The following SBF2 variants were observed in gnomAD, a reference collection of about 807,000 sequenced individuals.
The protein encoded by SBF2 is SET binding factor 2.
In SBF2, 112 loss-of-function variants were observed where a neutral mutation model predicts 225.2. That is an observed-to-expected ratio of 0.50 (90% CI 0.43 to 0.58). SBF2 has a LOEUF of 0.58. Among genes scored for constraint, SBF2 ranks in the 20% least tolerant of loss-of-function variants. The probability of loss-of-function intolerance (pLI) is 0.00; values close to 1 mark genes in which losing one functional copy is unlikely to be tolerated. For missense variants in SBF2, 1,996 were observed against 2,206.2 expected (o/e 0.90, Z 1.91); for synonymous variants, 763 against 773.3 (o/e 0.99, Z 0.22).
At chr11:10,215,252 G>GA (rs941311131) in intron 1 of SBF2, among the ~76,000 whole-genome samples, 16 of 151,444 alleles carry the variant, frequency 1.1e-4, no homozygotes, top group Admixed American at 3.3e-4. Context: ...AGCCTATAGG[G>GA]AAAAAAAAAT....
At chr11:10,273,987 T>C (rs1021698628) in intron 1 of SBF2, among the ~76,000 whole-genome samples, 1 of 152,240 alleles carries the variant, frequency 6.6e-6, no homozygotes, top group African/African-American at 2.4e-5. Context: ...GAGGAAACTA[T>C]ACCTTGCAAA....
At chr11:9,840,157 C>T (rs902283425) in intron 25 of SBF2, among the ~76,000 whole-genome samples, 1 of 151,726 alleles carries the variant, frequency 6.6e-6, no homozygotes, top group African/African-American at 2.4e-5. Flanking sequence ...TCACTTGAAC[C>T]CGGGAGGTGG....
At chr11:10,142,930 T>C (rs1954712927) in intron 2 of SBF2, among the ~76,000 whole-genome samples, 1 of 152,166 alleles carries the variant, frequency 6.6e-6, no homozygotes, top group South Asian at 2.1e-4. Context: ...CACTTGGCAA[T>C]GCAATGATAG....
chr11:10,281,388 G>C (rs1310878136), intron 1 of SBF2, among the ~76,000 whole-genome samples: 1 of 152,108 alleles, frequency 6.6e-6, no homozygotes, highest in African/African-American at 2.4e-5. Flanking sequence ...CATCCTTTAA[G>C]AACACTTATA....
At chr11:10,205,489 G>A (rs1008167932) in intron 1 of SBF2, among the ~76,000 whole-genome samples, 1 of 151,756 alleles carries the variant, frequency 6.6e-6, no homozygotes, top group Non-Finnish European at 1.5e-5. Context: ...CACAATGGCA[G>A]GACATCTTAC....
chr11:9,946,576 G>A (rs1047169788), intron 16 of SBF2, among the ~76,000 whole-genome samples: 15 of 151,404 alleles, frequency 9.9e-5, no homozygotes, highest in Non-Finnish European at 2.1e-4. Context: ...TCAGCCTCCC[G>A]AGTAGCTGGG....
Position 10,258,988 on chromosome 11 carries a change from G to C in SBF2, c.55+35027C>G, listed in dbSNP as rs1591320882. Among the ~76,000 whole-genome samples the C allele has an allele frequency of 2.0e-5, 3 of 152,170 alleles. No individual in the cohort carries two copies. The East Asian group carries it at 5.8e-4, about 29-fold the overall frequency. Reference sequence around the variant, plus strand: ...GAAGGCATAGAGAAAAGTAAGAGATGGACTCTGTTCACATTTGGAGCTAGT... The same window carrying C: ...GAAGGCATAGAGAAAAGTAAGAGATCGACTCTGTTCACATTTGGAGCTAGT... On this transcript the variant is annotated intron_variant, in intron 1 of 39. Transcript: ENST00000256190.
chr11:10,052,938 A>G (rs1950112907), intron 2 of SBF2, among the ~76,000 whole-genome samples: 1 of 152,230 alleles, frequency 6.6e-6, no homozygotes, highest in South Asian at 2.1e-4. Flanking sequence ...CTTAAGAAAT[A>G]AAATGAAAGT....
chr11:10,009,264 T>C (rs1408443049), intron 6 of SBF2, among the ~76,000 whole-genome samples: 1 of 152,198 alleles, frequency 6.6e-6, no homozygotes, highest in Non-Finnish European at 1.5e-5. Flanking sequence ...TTCTATATAT[T>C]TTTATTTATT....
intron 17 of SBF2, among the ~76,000 whole-genome samples, chr11:9,895,432 T>C (rs548766123): frequency 1.3e-5 from 2 of 152,306 alleles, no homozygotes; most frequent in East Asian, 1.9e-4. Flanking sequence ...TGAAAAAGCA[T>C]AGATATAACT....
At chr11:10,124,063 T>G (rs1953617261) in intron 2 of SBF2, among the ~76,000 whole-genome samples, 1 of 152,206 alleles carries the variant, frequency 6.6e-6, no homozygotes, top group Non-Finnish European at 1.5e-5. Flanking sequence ...CTTCATTCAC[T>G]TTTATTTTAG....
In SBF2 at chr11:10,240,241, T is replaced by G. The variant is rs562681702; in HGVS notation, c.56-46254A>C. Among the ~76,000 whole-genome samples, 93 of 144,502 alleles carry G rather than the reference T, an allele frequency of 6.4e-4. No homozygotes were observed. In the South Asian group the frequency reaches 0.01, roughly 16 times the overall value. The allele number at this position is 144,502 out of a possible 152,430, so 94.8% of individuals were successfully genotyped here. On this transcript the variant is annotated intron_variant, in intron 1 of 39. Coordinates refer to ENST00000256190, the MANE Select transcript of SBF2 (RefSeq NM_030962.4). ...AAGTTGCTGATCATTTTAGGAGATA[T>G]GCATACAATTAAAAGAACAAAAAAA...
intron 2 of SBF2, chr11:10,044,732 C>T (rs1370194436): frequency 5.2e-5 from 8 of 153,308 alleles, no homozygotes; most frequent in Admixed American, 1.3e-4. Flanking sequence ...TCTTGCTGTG[C>T]CCTAACTTGC....
chr11:10,285,017 AG>A (rs1352238023), intron 1 of SBF2, among the ~76,000 whole-genome samples: 1 of 152,072 alleles, frequency 6.6e-6, no homozygotes, highest in Non-Finnish European at 1.5e-5. Flanking sequence ...AAAAATAAAG[AG>A]TGTATCATTT....
At chr11:9,937,415 G>GA (rs1313282972) in intron 16 of SBF2, among the ~76,000 whole-genome samples, 2 of 152,038 alleles carry the variant, frequency 1.3e-5, no homozygotes, top group East Asian at 1.9e-4. Context: ...AAAAGCAATT[G>GA]AAAAATATTT....
chr11:10,115,313 T>C (rs12417184), intron 2 of SBF2, among the ~76,000 whole-genome samples: 32,426 of 152,180 alleles, frequency 0.21, 4,148 homozygotes, highest in Non-Finnish European at 0.3. Context: ...ATTTTTAGAG[T>C]AATTGTCATA....
At position 9,832,352 on chromosome 11, in the gene SBF2, T is replaced by C. The variant is rs756250324; in HGVS notation, c.3524A>G (p.Tyr1175Cys). The C allele has an allele frequency of 1.7e-5, 27 of 1,614,092 alleles. 1 individual carries two copies. The South Asian group carries it at 2.1e-4, about 12-fold the overall frequency. Residue 1175 changes from tyrosine to cysteine, a missense_variant, in exon 27 of 40, where the codon TAT (tyrosine) becomes TGT (cysteine). Tyr to Cys is a radical substitution (Grantham distance 194). Coordinates refer to ENST00000256190, the MANE Select transcript of SBF2 (RefSeq NM_030962.4). ...TACAACAGGCAGGCGATTGTGTCGATAGCAGCGAGCTACTCTTGGTAAACT... is the reference window on the plus strand; with the variant it reads ...TACAACAGGCAGGCGATTGTGTCGACAGCAGCGAGCTACTCTTGGTAAACT... ...DSSLPRVARC[Y>C]RHNRLPVVCW...
intron 2 of SBF2, among the ~76,000 whole-genome samples, chr11:10,049,575 C>T (rs770064218): frequency 8.6e-5 from 13 of 151,944 alleles, no homozygotes; most frequent in Admixed American, 3.9e-4. Flanking sequence ...CTATTGCACT[C>T]CAGCCTGGGC....
intron 1 of SBF2, among the ~76,000 whole-genome samples, chr11:10,266,798 C>T (rs938515443): frequency 6.6e-6 from 1 of 152,158 alleles, no homozygotes; most frequent in African/African-American, 2.4e-5. Flanking sequence ...GGCCTTTAAA[C>T]GGAAGAGGGT....
Sources: allele counts gnomAD v4.1 joint callset (sites outside exome capture counted in the v4.1 genomes callset), GRCh38; gene constraint gnomAD v4.1.1; transcripts MANE v1.5; gene names NCBI Gene and HGNC (gene_info 2026-07-23, HGNC 2026-07-21).